CDH23: variants seen among roughly 807,000 people sequenced by gnomAD.
The protein encoded by CDH23 is cadherin-23.
CDH23 carries 189 observed loss-of-function variants against 317.1 expected under a neutral mutation model. The ratio of observed to expected loss-of-function variants is 0.60; its 90% CI spans 0.53 to 0.67. The LOEUF is 0.67. Among genes scored for constraint, CDH23 ranks in the 30% least tolerant of loss-of-function variants. The pLI is 0.00. For synonymous variants in CDH23, 1,839 were observed against 1,876.8 expected, an observed-to-expected ratio of 0.98 and a Z score of 0.52; for missense variants, 4,401 against 4,592.4, an observed-to-expected ratio of 0.96 and a Z score of 1.20.
chr10:71,698,471 G>C (rs1467984264), intron 22 of CDH23, among the ~76,000 whole-genome samples: 1 of 151,996 alleles, frequency 6.6e-6, no homozygotes, highest in South Asian at 2.1e-4. Context: ...TATTTGAACA[G>C]GGGCTGGCCC....
intron 14 of CDH23, 195 bp downstream of exon 14, chr10:71,646,812 T>G (rs932808466): frequency 5.9e-6 from 9 of 1,517,158 alleles, no homozygotes; most frequent in Non-Finnish European, 6.2e-6. Flanking sequence ...TAGGTTGCAA[T>G]ATGGAAAAGG....
In CDH23 at chr10:71,549,190, G is replaced by C. The variant is rs545180572; in HGVS notation, c.430-17552G>C. Among the ~76,000 whole-genome samples, 13 of 152,402 alleles carry C rather than the reference G, an allele frequency of 8.5e-5. No individual in the cohort carries two copies. The East Asian group carries it at 2.5e-3, about 29-fold the overall frequency. On this transcript the variant is annotated intron_variant, in intron 6 of 69. Coordinates refer to ENST00000224721, the MANE Select transcript of CDH23 (RefSeq NM_022124.6). ...CCAAGAGCTGGGGCTCCTTGGGCCA[G>C]AGCAGAGGGCAGGTCACTGGGCAGG... is the stretch of plus-strand genomic sequence containing the variant.
intron 1 of CDH23, among the ~76,000 whole-genome samples, chr10:71,429,875 G>A (rs570848384): frequency 2.6e-5 from 4 of 152,318 alleles, no homozygotes; most frequent in African/African-American, 7.2e-5. Flanking sequence ...GGCAGCAGGA[G>A]GACAAGGGCA....
intron 1 of CDH23, among the ~76,000 whole-genome samples, chr10:71,405,967 C>T (rs1848077191): frequency 6.6e-6 from 1 of 151,828 alleles, no homozygotes; most frequent in African/African-American, 2.4e-5. Flanking sequence ...GCCACATGTG[C>T]AGTTTTAAAT....
chr10:71,459,729 C>G (rs568768943), intron 3 of CDH23, among the ~76,000 whole-genome samples: 7 of 152,322 alleles, frequency 4.6e-5, no homozygotes, highest in African/African-American at 1.7e-4. Flanking sequence ...GGCAACTCTA[C>G]CTCTCAGCAG....
Position 71,751,317 on chromosome 10 carries a change from A to AT in CDH23, c.4845+9396_4845+9397insT. The AT allele has an allele frequency of 6.2e-7, 1 of 1,605,648 alleles. No individual in the cohort carries two copies. Among genetic ancestry groups the AT allele is most frequent in the Non-Finnish European group, 8.5e-7 (1 of 1,175,506 alleles). ...TGCAAGAAAAGGAGAAGCAAAGTGA[A>AT]CGGGGCCCCTCTGCCCCTCACCCTC... is the stretch of plus-strand genomic sequence containing the variant. On this transcript the variant is annotated intron_variant, in intron 38 of 69. Coordinates refer to ENST00000224721, the MANE Select transcript of CDH23 (RefSeq NM_022124.6). The surrounding 1 kb of genome is among the most constrained non-coding windows in gnomAD (Gnocchi z 4.9).
intron 6 of CDH23, among the ~76,000 whole-genome samples, chr10:71,541,382 T>C (rs992432129): frequency 1.3e-5 from 2 of 152,230 alleles, no homozygotes; most frequent in Non-Finnish European, 2.9e-5. Context: ...AGGGAACCTA[T>C]GGACCTGTGA....
intron 20 of CDH23, among the ~76,000 whole-genome samples, chr10:71,692,141 C>G (rs1057066282): frequency 6.6e-6 from 1 of 152,154 alleles, no homozygotes; most frequent in Non-Finnish European, 1.5e-5. Context: ...TAGCCTTATC[C>G]CCATTTTCCA....
intron 3 of CDH23, among the ~76,000 whole-genome samples, chr10:71,484,016 G>A (rs1325442854): frequency 6.6e-6 from 1 of 152,120 alleles, no homozygotes; most frequent in African/African-American, 2.4e-5. Flanking sequence ...TGGAAATCAT[G>A]GTTCTGGGAT....
intron 11 of CDH23, among the ~76,000 whole-genome samples, chr10:71,623,313 C>T (rs190060303): frequency 3.9e-5 from 6 of 152,338 alleles, no homozygotes; most frequent in Admixed American, 2.0e-4. Flanking sequence ...TGGCAGCAGA[C>T]GCTCCCCTAC....
chr10:71,566,697 C>G (rs1406744130), intron 6 of CDH23, 45 bp from the exon 7 acceptor site: 2 of 1,522,990 alleles, frequency 1.3e-6, no homozygotes, highest in African/African-American at 2.7e-5. Context: ...GGCGCAGCTG[C>G]TCCGCACTGG....
At chr10:71,750,492 C>G (rs1312500285) in intron 38 of CDH23, 2 of 152,342 alleles carry the variant, frequency 1.3e-5, no homozygotes, top group African/African-American at 4.8e-5. Context: ...AAGGCCCCAC[C>G]CACCTCCCTC....
Position 71,809,974 on chromosome 10 carries a change from C to T in CDH23, c.8877C>T (p.Ile2959=), listed in dbSNP as rs373709237. Residue 2959 remains isoleucine, a synonymous_variant, in exon 61 of 70, where the codon ATC becomes ATT. Coordinates refer to ENST00000224721, the MANE Select transcript of CDH23 (RefSeq NM_022124.6). The part of the protein sequence containing the change: ...YILRDDQRVK[I]VINEIPDRVR... ...TGAGGGACGACCAGCGCGTCAAGATCGTCATTAACGAGATCCCCGACCGTG... is the reference window on the plus strand; with the variant it reads ...TGAGGGACGACCAGCGCGTCAAGATTGTCATTAACGAGATCCCCGACCGTG... 18 of 1,612,098 alleles carry T rather than the reference C, an allele frequency of 1.1e-5. No homozygotes were observed. Among genetic ancestry groups the T allele is most frequent in the Admixed American group, 3.3e-5 (2 of 60,016 alleles).
intron 11 of CDH23, among the ~76,000 whole-genome samples, chr10:71,642,586 G>T (rs1564704782): frequency 1.3e-5 from 2 of 151,938 alleles, no homozygotes; most frequent in Non-Finnish European, 2.9e-5. Context: ...TTTTTGTAAA[G>T]ACGGGGTTTC....
chr10:71,491,111 G>A (rs1852633496), intron 3 of CDH23, among the ~76,000 whole-genome samples: 1 of 152,218 alleles, frequency 6.6e-6, no homozygotes, highest in African/African-American at 2.4e-5. Context: ...TGCATCGATT[G>A]GGTGCTTTAA....
chr10:71,529,131 TGTG>T lies in CDH23; in HGVS notation c.429+17921_429+17923del, dbSNP rs1855213306. Among the ~76,000 whole-genome samples, 7 of 152,214 alleles carry T rather than the reference TGTG, an allele frequency of 4.6e-5. No individual in the cohort carries two copies. The South Asian group carries it at 1.4e-3, about 32-fold the overall frequency. On this transcript the variant is annotated intron_variant, in intron 6 of 69. Transcript: ENST00000224721. The stretch of plus-strand genomic sequence containing the variant: ...TGAGTCAGCTGAGCATTTGTTAAAA[TGTG>T]GATCCTGATTCAGTAGCTCTGGGTG...
intron 69 of CDH23, 35 bp downstream of exon 69, chr10:71,813,383 GC>G: frequency 6.7e-7 from 1 of 1,503,430 alleles, no homozygotes. Flanking sequence ...TGTGTGCTGT[GC>G]CCCAGCCTGG....
At chr10:71,768,157 C>G (rs144993268) in intron 38 of CDH23, among the ~76,000 whole-genome samples, 2 of 152,130 alleles carry the variant, frequency 1.3e-5, no homozygotes, top group South Asian at 4.1e-4. Flanking sequence ...GTTTGGTTGG[C>G]TTTGTTGCTG....
chr10:71,477,381 C>T (rs1851848168), intron 3 of CDH23, among the ~76,000 whole-genome samples: 1 of 152,174 alleles, frequency 6.6e-6, no homozygotes, highest in Non-Finnish European at 1.5e-5. Context: ...GTTGGCCAGG[C>T]TGGTCTCAAA....
Sources: gnomAD v4.1 joint callset for allele counts (sites outside exome capture counted in the v4.1 genomes callset) on GRCh38, gnomAD v4.1.1 for gene constraint, Gnocchi (gnomAD v3.1) non-coding constraint, MANE v1.5 for transcripts, NCBI Gene and HGNC (gene_info 2026-07-23, HGNC 2026-07-21) for gene names.